The following ARAP1 variants were observed in gnomAD, a reference collection of about 807,000 sequenced individuals.
The protein encoded by ARAP1 is arf-GAP with Rho-GAP domain, ANK repeat and PH domain-containing protein 1.
A neutral mutation model predicts 172.2 loss-of-function variants in ARAP1; 76 were observed. The observed-to-expected ratio is 0.44, with a 90% CI of 0.37 to 0.53. The LOEUF (loss-of-function observed/expected upper bound fraction) is 0.53, where lower values mean the gene tolerates loss of function less well. ARAP1 is among the 20% of genes least tolerant of loss of function. The pLI, the probability that ARAP1 is intolerant of heterozygous loss-of-function variation, is 0.00. For synonymous variants in ARAP1, 804 were observed against 803.3 expected, an observed-to-expected ratio of 1.00 and a Z score of -0.01; for missense variants, 1,686 against 1,977.5, an observed-to-expected ratio of 0.85 and a Z score of 2.80.
chr11:72,685,792 A>T (rs1389509717), intron 34 of ARAP1, 111 bp from the exon 35 acceptor site: 1 of 1,475,792 alleles, frequency 6.8e-7, no homozygotes, highest in Non-Finnish European at 9.4e-7. Flanking sequence ...GCCGGGGAGC[A>T]CTCCAATCAG....
Position 72,726,510 on chromosome 11 carries a change from T to A in ARAP1, c.509+110A>T, listed in dbSNP as rs977887789. The A allele has an allele frequency of 7.4e-7, 1 of 1,350,260 alleles. No individual in the cohort carries two copies. The highest frequency in any genetic ancestry group is 1.5e-5 in the African/African-American group (1 of 67,876). 83.6% of individuals were successfully genotyped at this position (1,350,260 alleles called of 1,614,324 possible). ...CGAGCTTTGCACACGCTGTTCCCCC[T>A]GCACTTCCGAAGTGCCTTTCTTACC... On this transcript the variant is annotated intron_variant, in intron 3 of 34. Transcript: ENST00000393609. The surrounding 1 kb of genome is among the most constrained non-coding windows in gnomAD (Gnocchi z 6.5).
Position 72,693,292 on chromosome 11 carries a change from C to T in ARAP1, c.3954+33G>A. On this transcript the variant is annotated intron_variant, in intron 29 of 34. Coordinates refer to ENST00000393609, the MANE Select transcript of ARAP1 (RefSeq NM_001040118.3). This position sits in a 1 kb window ranked among gnomAD's most constrained non-coding sequence, Gnocchi z 4.6. ...GAGCACATTCAGGTGTACAGGTGCCCACCCTGGGGCAGAACCCAGCGGGGC... is the reference window on the plus strand; with the variant it reads ...GAGCACATTCAGGTGTACAGGTGCCTACCCTGGGGCAGAACCCAGCGGGGC... 1 of 1,607,096 alleles carries T rather than the reference C, an allele frequency of 6.2e-7. No individual in the cohort carries two copies. The highest frequency in any genetic ancestry group is 8.5e-7 in the Non-Finnish European group (1 of 1,175,720).
intron 1 of ARAP1, among the ~76,000 whole-genome samples, chr11:72,747,416 T>TG (rs1858400483): frequency 6.6e-6 from 1 of 152,194 alleles, no homozygotes; most frequent in African/African-American, 2.4e-5. Context: ...GACACCCTGC[T>TG]GTAGCAAAGC....
At position 72,697,015 on chromosome 11, in the gene ARAP1, C is replaced by G; in HGVS notation, c.3134G>C (p.Arg1045Pro). Residue 1045 changes from arginine (R) to proline (P), a missense_variant, in exon 22 of 35, where the codon CGC becomes CCC. Transcript: ENST00000393609. ...CTCCAGCCAGGTTAGGCGCTGGGCGCGAGTGAAGAGCCCATCAGGCAGGTC... is the reference window on the plus strand; with the variant it reads ...CTCCAGCCAGGTTAGGCGCTGGGCGGGAGTGAAGAGCCCATCAGGCAGGTC... ...LRDLPDGLFT[R>P]AQRLTWLEAS... 1.2e-6 allele frequency: 2 copies of G among 1,608,676 alleles called. No individual in the cohort carries two copies. The highest frequency in any genetic ancestry group is 1.7e-6 in the Non-Finnish European group (2 of 1,179,874).
Position 72,726,499 on chromosome 11 carries a change from G to A in ARAP1, c.509+121C>T, listed in dbSNP as rs1165178454. ...ATCCTGTCCTCCGAGCTTTGCACAC[G>A]CTGTTCCCCCTGCACTTCCGAAGTG... On this transcript the variant is annotated intron_variant, in intron 3 of 34. Coordinates refer to ENST00000393609, the MANE Select transcript of ARAP1 (RefSeq NM_001040118.3). The surrounding 1 kb of genome is among the most constrained non-coding windows in gnomAD (Gnocchi z 6.5). 6.9e-6 allele frequency: 9 copies of A among 1,296,224 alleles called. No individual in the cohort carries two copies. The highest frequency in any genetic ancestry group is 4.6e-5 in the South Asian group (3 of 65,006). 80.3% of individuals were successfully genotyped at this position (1,296,224 alleles called of 1,614,324 possible). A position where few individuals can be genotyped will look rare whatever the true frequency, so the allele number is the denominator to read the frequency against.
intron 22 of ARAP1, 65 bp from the exon 23 acceptor site, chr11:72,696,719 GCTGCTGTGC>G (rs1253180722): frequency 7.3e-7 from 1 of 1,375,430 alleles, no homozygotes; most frequent in Non-Finnish European, 9.9e-7. Flanking sequence ...CCCCGCCTGG[GCTGCTGTGC>G]CTCTCATGGT....
chr11:72,714,464 C>T, intron 3 of ARAP1, 143 bp from the exon 4 acceptor site: 1 of 814,308 alleles, frequency 1.2e-6, no homozygotes, highest in Non-Finnish European at 1.9e-6. Context: ...ACACAGTCCT[C>T]CTCAACTCAT....
Position 72,712,512 on chromosome 11 carries a change from G to A in ARAP1, c.804C>T (p.Ser268=), listed in dbSNP as rs146177112. The A allele has an allele frequency of 5.4e-4, 877 of 1,613,324 alleles. 3 individuals are homozygous for A. The African/African-American group carries it at 0.011, about 20-fold the overall frequency. Residue 268 remains serine (S), a synonymous_variant, in exon 6 of 35, where the codon AGC becomes AGT. Coordinates refer to ENST00000393609, the MANE Select transcript of ARAP1 (RefSeq NM_001040118.3). ...CGTCCCCAGACAGTTCCTCTCCCTC[G>A]CTCAGCAGACTGGCCACGCGCACGG... ...PRAVRVASLL[S]EGEELSGDDQ...
chr11:72,690,707 T>C (rs571159677), intron 30 of ARAP1, among the ~76,000 whole-genome samples: 4 of 152,342 alleles, frequency 2.6e-5, no homozygotes, highest in East Asian at 1.9e-4. Context: ...AGACGGCTCA[T>C]GTTTCCAGCA....
intron 3 of ARAP1, among the ~76,000 whole-genome samples, chr11:72,719,599 C>T (rs894375090): frequency 6.6e-6 from 1 of 152,244 alleles, no homozygotes; most frequent in Non-Finnish European, 1.5e-5. Flanking sequence ...CAGGCTGAGC[C>T]AGGAACCAGC....
At chr11:72,686,792 C>T (rs1413856629) in intron 33 of ARAP1, among the ~76,000 whole-genome samples, 1 of 152,162 alleles carries the variant, frequency 6.6e-6, no homozygotes, top group Admixed American at 6.5e-5. Flanking sequence ...CCCGACGCTG[C>T]ACCCAGAGTG....
chr11:72,721,098 G>C (rs1310130332), intron 3 of ARAP1, among the ~76,000 whole-genome samples: 3 of 152,190 alleles, frequency 2.0e-5, no homozygotes, highest in East Asian at 1.9e-4. Flanking sequence ...CTGGCAGAAA[G>C]AGCAGGTGCA....
chr11:72,695,454 T>C lies in ARAP1; in HGVS notation c.3509A>G (p.His1170Arg). The C allele has an allele frequency of 1.2e-6, 2 of 1,614,254 alleles. No homozygotes were observed. The highest frequency in any genetic ancestry group is 1.7e-6 in the Non-Finnish European group (2 of 1,180,050). ...RVAGTASGTQ[H>R]AGDFICTVYL... ...CACTGTGCAGATGAAGTCACCGGCA[T>C]GCTGCAGGGAGACAGGGCTCAGCTG... The change falls in exon 26 of 35, where the codon CAT (histidine) becomes CGT (arginine). Residue 1170 changes from histidine to arginine, a missense_variant and splice_region_variant. Physicochemically the swap from His to Arg is conservative, Grantham distance 29. Around this residue, in one of 5 missense-constraint regions of ARAP1, gnomAD observed 379 missense variants for 500.1 expected, o/e 0.76. Transcript: ENST00000393609. The surrounding 1 kb of genome is among the most constrained non-coding windows in gnomAD (Gnocchi z 4.4).
intron 3 of ARAP1, among the ~76,000 whole-genome samples, chr11:72,721,631 A>C (rs1253987954): frequency 6.6e-6 from 1 of 151,940 alleles, no homozygotes; most frequent in African/African-American, 2.4e-5. Context: ...CCCAGGGAAG[A>C]GGGAGGGATG....
chr11:72,689,908 CT>C (rs938019127), intron 30 of ARAP1, among the ~76,000 whole-genome samples: 1 of 152,150 alleles, frequency 6.6e-6, no homozygotes, highest in African/African-American at 2.4e-5. Flanking sequence ...AGGAAGAAAC[CT>C]GTAGGCACAC....
At chr11:72,706,870 A>G (rs1856788513) in intron 12 of ARAP1, among the ~76,000 whole-genome samples, 1 of 152,190 alleles carries the variant, frequency 6.6e-6, no homozygotes, top group Admixed American at 6.5e-5. Context: ...TTCTGACATG[A>G]GAGGAACACC....
chr11:72,750,783 T>C (rs1237253485), intron 1 of ARAP1, among the ~76,000 whole-genome samples: 1 of 152,176 alleles, frequency 6.6e-6, no homozygotes, highest in Non-Finnish European at 1.5e-5. Context: ...CCCATGGCTC[T>C]GCAGGCCCCA....
intron 1 of ARAP1, among the ~76,000 whole-genome samples, chr11:72,742,215 G>A (rs1410881773): frequency 2.6e-5 from 4 of 152,210 alleles, no homozygotes; most frequent in Middle Eastern, 3.4e-3. Flanking sequence ...TCTCCCTCTC[G>A]ATTCTCCAGC....
At chr11:72,729,409 C>T (rs1421469073) in intron 2 of ARAP1, among the ~76,000 whole-genome samples, 4 of 152,008 alleles carry the variant, frequency 2.6e-5, no homozygotes, top group African/African-American at 4.8e-5. Context: ...TTGGCCAACA[C>T]GGCAAACCCT....
Sources: allele counts gnomAD v4.1 joint callset (sites outside exome capture counted in the v4.1 genomes callset), GRCh38; gene constraint gnomAD v4.1.1; regional missense constraint gnomAD v4.1.1; non-coding constraint Gnocchi (gnomAD v3.1); transcripts MANE v1.5; gene names NCBI Gene and HGNC (gene_info 2026-07-23, HGNC 2026-07-21).